STPG2: variants seen among roughly 807,000 people sequenced by gnomAD.
STPG2 encodes sperm tail PG-rich repeat containing 2.
Under a neutral mutation model 54.2 loss-of-function variants are expected in STPG2, and 56 were observed. That is an observed-to-expected ratio of 1.03 (90% CI 0.83 to 1.29). STPG2 has a LOEUF of 1.29. Ranked by LOEUF, STPG2 falls within the 50% of genes most tolerant of loss-of-function variation. The pLI, the probability that STPG2 is intolerant of heterozygous loss-of-function variation, is 0.00. For missense variants in STPG2, 596 were observed against 544.9 expected (o/e 1.09, Z -0.93); for synonymous variants, 200 against 181.8 (o/e 1.10, Z -0.81).
At chr4:97,687,077 A>C (rs1027507521) in intron 10 of STPG2, among the ~76,000 whole-genome samples, 148 of 151,580 alleles carry the variant, frequency 9.8e-4, no homozygotes, top group African/African-American at 2.9e-3. Context: ...AGTAGCTGGG[A>C]CTACAGGCGC....
intron 8 of STPG2, among the ~76,000 whole-genome samples, chr4:97,853,571 G>C (rs1045933080): frequency 2.0e-5 from 3 of 151,986 alleles, no homozygotes; most frequent in Admixed American, 6.6e-5. Flanking sequence ...CAATAAAAAG[G>C]CTCCAAGGGC....
intron 8 of STPG2, among the ~76,000 whole-genome samples, chr4:97,933,120 G>C (rs1732612534): frequency 6.6e-6 from 1 of 152,052 alleles, no homozygotes; most frequent in Admixed American, 6.5e-5. Flanking sequence ...AATGATCAGT[G>C]ATGTTGAGCT....
At chr4:97,672,604 T>A (rs376043394) in intron 10 of STPG2, among the ~76,000 whole-genome samples, 2 of 152,310 alleles carry the variant, frequency 1.3e-5, no homozygotes, top group African/African-American at 4.8e-5. Context: ...TGTGGGTATA[T>A]ATCCACAAAT....
At chr4:97,509,094 C>T (rs1197408695) in intron 4 of STPG2, among the ~76,000 whole-genome samples, 1 of 152,112 alleles carries the variant, frequency 6.6e-6, no homozygotes, top group African/African-American at 2.4e-5. Context: ...ATCGCCTTCA[C>T]TGTTAGGCCC....
At chr4:98,133,293 T>C (rs1168388185) in intron 2 of STPG2, among the ~76,000 whole-genome samples, 4 of 152,020 alleles carry the variant, frequency 2.6e-5, no homozygotes, top group Non-Finnish European at 5.9e-5. Context: ...TTCAAAAAGA[T>C]GATTTATGAT....
At chr4:98,134,299 G>A (rs1285591107) in intron 2 of STPG2, 48 bp downstream of exon 2, 17 of 1,114,828 alleles carry the variant, frequency 1.5e-5, no homozygotes, top group Non-Finnish European at 1.2e-5. Context: ...TCTATTCAGG[G>A]AAGAAAACAT....
rs117176086 is a variant in STPG2, at chr4:97,696,672, T to C, written c.1320+16027A>G. Among the ~76,000 whole-genome samples, 133 of 152,060 alleles carry C rather than the reference T, an allele frequency of 8.7e-4. 1 individual carries two copies. The East Asian group carries it at 9.5e-3, about 11-fold the overall frequency. On this transcript the variant is annotated intron_variant, in intron 10 of 10. Coordinates refer to ENST00000295268, the MANE Select transcript of STPG2 (RefSeq NM_174952.3). ...GAATCTACAAGGAACTTAAAACAAG[T>C]CAGCAAGACAAAAGAAAACAATCCC...
intron 8 of STPG2, among the ~76,000 whole-genome samples, chr4:97,895,729 A>G (rs1263789786): frequency 1.3e-5 from 2 of 151,822 alleles, no homozygotes; most frequent in African/African-American, 2.4e-5. Flanking sequence ...AAACAGACAA[A>G]GAAACAAATG....
chr4:97,683,905 T>C (rs1220355182), intron 10 of STPG2, among the ~76,000 whole-genome samples: 1 of 151,866 alleles, frequency 6.6e-6, no homozygotes, highest in Admixed American at 6.6e-5. Flanking sequence ...TAAGCATCTA[T>C]AGCAGAGTTG....
intron 8 of STPG2, among the ~76,000 whole-genome samples, chr4:97,843,510 A>G (rs111566058): frequency 6.6e-5 from 10 of 152,066 alleles, no homozygotes; most frequent in African/African-American, 2.4e-4. Flanking sequence ...TTTCATTGCT[A>G]TCATCATTGC....
At chr4:97,617,987 A>C (rs534049504) in intron 10 of STPG2, among the ~76,000 whole-genome samples, 11 of 152,298 alleles carry the variant, frequency 7.2e-5, no homozygotes, top group Admixed American at 6.5e-4. Context: ...TAGACTTATC[A>C]ACCAAAGTAA....
chr4:97,497,096 C>A (rs1378887381), intron 4 of STPG2, among the ~76,000 whole-genome samples: 2 of 149,392 alleles, frequency 1.3e-5, no homozygotes, highest in Non-Finnish European at 1.5e-5. Flanking sequence ...CTTTAAAATA[C>A]AAATGAGGAA....
chr4:98,035,759 T>C (rs975518563), intron 5 of STPG2, among the ~76,000 whole-genome samples: 6 of 152,304 alleles, frequency 3.9e-5, no homozygotes, highest in Non-Finnish European at 7.3e-5. Context: ...TGGAATACTA[T>C]GCAGCCATAA....
At chr4:97,609,434 T>C (rs1348353087) in intron 10 of STPG2, among the ~76,000 whole-genome samples, 1 of 151,996 alleles carries the variant, frequency 6.6e-6, no homozygotes, top group African/African-American at 2.4e-5. Flanking sequence ...CATTTCCCTA[T>C]TCAGGAGAAG....
At chr4:97,666,879 C>T (rs963255562) in intron 10 of STPG2, among the ~76,000 whole-genome samples, 1 of 152,134 alleles carries the variant, frequency 6.6e-6, no homozygotes, top group African/African-American at 2.4e-5. Context: ...TCATCCACCA[C>T]CAGAACCACC....
intron 8 of STPG2, among the ~76,000 whole-genome samples, chr4:97,925,982 T>A (rs1476603099): frequency 6.6e-6 from 1 of 152,166 alleles, no homozygotes; most frequent in East Asian, 1.9e-4. Context: ...GATACCTTAG[T>A]GTTCCTTCAC....
At chr4:97,572,985 A>C (rs1732638138) in intron 10 of STPG2, among the ~76,000 whole-genome samples, 1 of 152,150 alleles carries the variant, frequency 6.6e-6, no homozygotes, top group Non-Finnish European at 1.5e-5. Context: ...TTTTATCTTT[A>C]ACACTAGAAA....
At chr4:97,726,165 A>G (rs773736850) in intron 9 of STPG2, among the ~76,000 whole-genome samples, 6 of 151,988 alleles carry the variant, frequency 3.9e-5, no homozygotes, top group Admixed American at 6.6e-5. Context: ...AGGGGTTGAA[A>G]CTTTGGATAA....
intron 8 of STPG2, among the ~76,000 whole-genome samples, chr4:97,890,762 C>G (rs1477990933): frequency 1.3e-5 from 2 of 151,836 alleles, no homozygotes; most frequent in Admixed American, 6.6e-5. Flanking sequence ...TCATTATACA[C>G]TATATAAAGG....
Sources: allele counts gnomAD v4.1 joint callset (sites outside exome capture counted in the v4.1 genomes callset), GRCh38; gene constraint gnomAD v4.1.1; transcripts MANE v1.5; gene names NCBI Gene and HGNC (gene_info 2026-07-23, HGNC 2026-07-21).